The following ANKFN1 variants were observed in gnomAD, a reference collection of about 807,000 sequenced individuals.
ANKFN1 encodes the protein ankyrin repeat and fibronectin type III domain containing 1.
Under a neutral mutation model 108.7 loss-of-function variants are expected in ANKFN1, and 74 were observed. The ratio of observed to expected loss-of-function variants is 0.68; its 90% confidence interval spans 0.56 to 0.83. ANKFN1 has a LOEUF of 0.83. Among genes scored for constraint, ANKFN1 ranks in the 40% least tolerant of loss-of-function variants. The pLI is 0.00. For missense variants in ANKFN1, 1,505 were observed against 1,382.3 expected (o/e 1.09, Z -1.41); for synonymous variants, 547 against 516.2 (o/e 1.06, Z -0.81).
intron 4 of ANKFN1, among the ~76,000 whole-genome samples, chr17:56,092,336 G>T (rs1011487116): frequency 1.4e-5 from 2 of 143,902 alleles, no homozygotes; most frequent in African/African-American, 5.3e-5. Flanking sequence ...GTGCAGTGGC[G>T]CAATCTCGGC....
chr17:56,463,110 G>A (rs1298819868), intron 14 of ANKFN1, among the ~76,000 whole-genome samples: 3 of 152,194 alleles, frequency 2.0e-5, no homozygotes, highest in East Asian at 3.8e-4. Context: ...AATAGTAACC[G>A]TGAAGTGACT....
intron 4 of ANKFN1, among the ~76,000 whole-genome samples, chr17:56,330,238 A>ATTCAC (rs2045624828): frequency 1.5e-5 from 1 of 66,458 alleles, no homozygotes; most frequent in Non-Finnish European, 5.2e-5. Flanking sequence ...GAGGGCTCAC[A>ATTCAC]ATCATGGCAG....
At chr17:56,366,557 GC>G (rs1373049499) in intron 6 of ANKFN1, among the ~76,000 whole-genome samples, 2 of 152,162 alleles carry the variant, frequency 1.3e-5, no homozygotes, top group Non-Finnish European at 2.9e-5. Flanking sequence ...CAGGGTAAAT[GC>G]CCTATACAGC....
intron 7 of ANKFN1, among the ~76,000 whole-genome samples, chr17:56,373,466 A>G (rs188534172): frequency 1.3e-5 from 2 of 152,366 alleles, no homozygotes; most frequent in Non-Finnish European, 2.9e-5. Flanking sequence ...AAAATATAAA[A>G]TTCAAACACT....
At chr17:56,474,690 C>G (rs1232999698) in intron 15 of ANKFN1, among the ~76,000 whole-genome samples, 2 of 152,300 alleles carry the variant, frequency 1.3e-5, no homozygotes, top group Non-Finnish European at 1.5e-5. Flanking sequence ...TGCATATCAT[C>G]AAATTCAGTG....
At chr17:56,134,577 A>C (rs776418632) in intron 4 of ANKFN1, among the ~76,000 whole-genome samples, 1 of 152,194 alleles carries the variant, frequency 6.6e-6, no homozygotes, top group Non-Finnish European at 1.5e-5. Flanking sequence ...ACCAAATATT[A>C]GAACTAAAGA....
Position 56,498,900 on chromosome 17 carries a change from C to A in ANKFN1, c.2446C>A (p.Arg816Ser). The A allele has an allele frequency of 2.6e-6, 4 of 1,535,396 alleles. No homozygotes were observed. Among genetic ancestry groups the A allele is most frequent in the East Asian group, 4.9e-5 (2 of 40,902 alleles). ...DFIQQIDEVW[R>S]EMRWIMDALQ... ...TCCAAAGCAAATAGATGAAGTCTGGCGTGAAATGAGATGGATCATGGATGC... is the reference window on the plus strand; with the variant it reads ...TCCAAAGCAAATAGATGAAGTCTGGAGTGAAATGAGATGGATCATGGATGC... The change falls in exon 20 of 21, where the codon CGT becomes AGT. Residue 816 changes from arginine (R) to serine (S), a missense_variant. Coordinates refer to ENST00000682825, the MANE Select transcript of ANKFN1 (RefSeq NM_001370326.1).
upstream of ANKFN1, among the ~76,000 whole-genome samples, chr17:56,150,779 G>A (rs1477047903): frequency 6.6e-6 from 1 of 151,968 alleles, no homozygotes; most frequent in South Asian, 2.1e-4. Flanking sequence ...ATGATGTCTC[G>A]CTTATCACTC....
intron 19 of ANKFN1, among the ~76,000 whole-genome samples, chr17:56,498,641 T>C (rs985944854): frequency 2.6e-5 from 4 of 152,224 alleles, no homozygotes; most frequent in Non-Finnish European, 5.9e-5. Flanking sequence ...ATATTCCAGC[T>C]AGCATCTAAG....
intron 8 of ANKFN1, among the ~76,000 whole-genome samples, chr17:56,380,451 T>G (rs1185589798): frequency 6.6e-6 from 1 of 152,166 alleles, no homozygotes; most frequent in African/African-American, 2.4e-5. Flanking sequence ...GTGGGTGCAG[T>G]GCACCGTGCA....
intron 1 of ANKFN1, among the ~76,000 whole-genome samples, chr17:56,158,099 A>T (rs1176938834): frequency 6.6e-6 from 1 of 152,148 alleles, no homozygotes; most frequent in Non-Finnish European, 1.5e-5. Flanking sequence ...CAATGAACAG[A>T]TGTGCTAATT....
chr17:56,477,681 C>G, intron 16 of ANKFN1, 27 bp downstream of exon 16: 3 of 1,606,222 alleles, frequency 1.9e-6, no homozygotes, highest in Non-Finnish European at 2.6e-6. Flanking sequence ...TAAGATTTTC[C>G]TTGTGATGAA....
intron 8 of ANKFN1, among the ~76,000 whole-genome samples, chr17:56,432,941 CA>C (rs2048807484): frequency 6.6e-6 from 1 of 151,978 alleles, no homozygotes; most frequent in Admixed American, 6.6e-5. Context: ...AGCATTTATA[CA>C]ATGATATGAT....
rs76297628 is a variant in ANKFN1 at position 56,223,461 on chromosome 17, G to A, written c.13-4456G>A. 6.3e-3 allele frequency among the ~76,000 whole-genome samples: 965 copies of A among 152,130 alleles called. 10 individuals are homozygous for A. The highest frequency in any genetic ancestry group is 0.021 in the African/African-American group (877 of 41,502). On this transcript the variant is annotated intron_variant, in intron 2 of 20. Transcript: ENST00000682825. ...CAAGGAGTCATTTATAAATAAACAC[G>A]CTAAGTCAGTGGAATGGTTCACCAA... is the stretch of plus-strand genomic sequence containing the variant.
chr17:56,123,778 C>G (rs994754794), intron 4 of ANKFN1, among the ~76,000 whole-genome samples: 1 of 145,418 alleles, frequency 6.9e-6, no homozygotes, highest in Non-Finnish European at 1.5e-5. Context: ...TGTGTGTGAG[C>G]CTGTGTGCAT....
intron 8 of ANKFN1, among the ~76,000 whole-genome samples, chr17:56,427,376 C>CCAGCAATG (rs2048602608): frequency 6.6e-6 from 1 of 151,988 alleles, no homozygotes; most frequent in African/African-American, 2.4e-5. Flanking sequence ...CAGTTATGGG[C>CCAGCAATG]CAGCAATGTA....
Position 56,510,594 on chromosome 17 carries a change from C to G in ANKFN1, c.2766C>G (p.His922Gln). 1 of 1,536,160 alleles carries G rather than the reference C, an allele frequency of 6.5e-7. No individual in the cohort carries two copies. Among genetic ancestry groups the G allele is most frequent in the Non-Finnish European group, 8.7e-7 (1 of 1,146,906 alleles). Residue 922 changes from histidine (H) to glutamine (Q), a missense_variant, in exon 21 of 21, where the codon CAC becomes CAG. Coordinates refer to ENST00000682825, the MANE Select transcript of ANKFN1 (RefSeq NM_001370326.1). ...TGGACCTGGTCTACCTATCATCTCA[C>G]GACATTGCGCAGCAGACCCTTAGCG... The part of the protein sequence containing the change: ...RDLDLVYLSS[H>Q]DIAQQTLSGL...
chr17:56,078,211 T>C (rs897322428), intron 4 of ANKFN1, among the ~76,000 whole-genome samples: 1 of 152,160 alleles, frequency 6.6e-6, no homozygotes, highest in African/African-American at 2.4e-5. Flanking sequence ...GGCACAGACC[T>C]GGCCAGAGTT....
intron 3 of ANKFN1, among the ~76,000 whole-genome samples, chr17:56,248,294 C>T (rs1219659158): frequency 6.6e-6 from 1 of 152,146 alleles, no homozygotes; most frequent in East Asian, 1.9e-4. Flanking sequence ...CATGCACCTG[C>T]AGAGAGAAGA....
Sources: gnomAD v4.1 joint callset for allele counts (sites outside exome capture counted in the v4.1 genomes callset) on GRCh38, gnomAD v4.1.1 for gene constraint, MANE v1.5 for transcripts, NCBI Gene and HGNC (gene_info 2026-07-23, HGNC 2026-07-21) for gene names.